Variants in LIPE observed in about 807,000 individuals in gnomAD.
LIPE encodes lipase E, hormone sensitive type, also known as hormone-sensitive lipase.
A neutral mutation model predicts 88.5 loss-of-function variants in LIPE; 66 were observed. That is an observed-to-expected ratio of 0.75 (90% CI 0.61 to 0.91). The LOEUF is 0.91. Ranked by LOEUF, LIPE falls within the 40% of genes least tolerant of loss-of-function variation. The probability of loss-of-function intolerance (pLI) is 0.00; values close to 1 mark genes in which losing one functional copy is unlikely to be tolerated. For synonymous variants in LIPE, 570 were observed against 617.5 expected, an observed-to-expected ratio of 0.92 and a Z score of 1.14; for missense variants, 1,346 against 1,434.7, an observed-to-expected ratio of 0.94 and a Z score of 1.00.
In LIPE at chr19:42,407,074, G is replaced by A; in HGVS notation, c.2137+100C>T. On this transcript the variant is annotated intron_variant, in intron 6 of 9. Coordinates refer to ENST00000244289, the MANE Select transcript of LIPE (RefSeq NM_005357.4). The surrounding 1 kb of genome is among the most constrained non-coding windows in gnomAD (Gnocchi z 5.8). ...GAGCAGGAGCTGGGAGGTGTGGGGG[G>A]AGAGAAAGGTAGAGGGTGTGAGGCT... 2 of 1,033,738 alleles carry A rather than the reference G, an allele frequency of 1.9e-6. No individual in the cohort carries two copies. Among genetic ancestry groups the A allele is most frequent in the East Asian group, 2.6e-5 (1 of 37,902 alleles). The allele number at this position is 1,033,738 out of a possible 1,614,324, so 64.0% of individuals were successfully genotyped here.
chr19:42,424,136 A>AT, intron 1 of LIPE: 3 of 1,200,176 alleles, frequency 2.5e-6, no homozygotes, highest in Non-Finnish European at 3.2e-6. Context: ...TAGTTCTCCT[A>AT]TTGCGCTTTT....
At chr19:42,422,402 C>G (rs2040615600) in intron 1 of LIPE, among the ~76,000 whole-genome samples, 1 of 152,238 alleles carries the variant, frequency 6.6e-6, no homozygotes, top group South Asian at 2.1e-4. Flanking sequence ...GTATGCTATA[C>G]TGGTGTGAGG....
At chr19:42,417,718 C>T (rs2147655661) in intron 1 of LIPE, among the ~76,000 whole-genome samples, 1 of 152,238 alleles carries the variant, frequency 6.6e-6, no homozygotes, top group East Asian at 1.9e-4. Context: ...AATAGAAATA[C>T]ATTTAGAAAT....
chr19:42,415,581 C>T (rs972988457), intron 1 of LIPE, among the ~76,000 whole-genome samples: 17 of 152,134 alleles, frequency 1.1e-4, no homozygotes, highest in African/African-American at 3.9e-4. Flanking sequence ...GAGGCCGAGG[C>T]GGGCGGATCA....
chr19:42,417,318 G>A (rs993267220), intron 1 of LIPE, among the ~76,000 whole-genome samples: 19 of 152,242 alleles, frequency 1.2e-4, no homozygotes, highest in Admixed American at 7.2e-4. Context: ...GGAGTGTAGT[G>A]GCACGATCAT....
In LIPE at chr19:42,405,976, TCACACACACACA is replaced by T. The variant is rs57282318; in HGVS notation, c.2365+173_2365+184del. On this transcript the variant is annotated intron_variant, in intron 7 of 9. Transcript: ENST00000244289. ...GTGTCTGTCTGTCTCTCTCTCTCTCTCACACACACACACACACACACACACACACACACACAC... is the reference window on the plus strand; with the variant it reads ...GTGTCTGTCTGTCTCTCTCTCTCTCTCACACACACACACACACACACACAC... 1.3e-3 allele frequency: 529 copies of T among 418,640 alleles called. 1 individual carries two copies. The highest frequency in any genetic ancestry group is 6.9e-3 in the African/African-American group (307 of 44,244). 25.9% of individuals were successfully genotyped at this position (418,640 alleles called of 1,614,324 possible). A position where few individuals can be genotyped will look rare whatever the true frequency, so the allele number is the denominator to read the frequency against.
At position 42,410,413 on chromosome 19, in the gene LIPE, G is replaced by A. The variant is rs766456953; in HGVS notation, c.1313C>T (p.Pro438Leu). The A allele has an allele frequency of 8.7e-6, 14 of 1,614,172 alleles. No homozygotes were observed. In the East Asian group the frequency reaches 1.6e-4, roughly 18 times the overall value. The change falls in exon 2 of 10, where the codon CCG becomes CTG. Residue 438 changes from proline to leucine, a missense_variant. Physicochemically the swap from Pro to Leu is moderately conservative, Grantham distance 98 (BLOSUM62 -3). Coordinates refer to ENST00000244289, the MANE Select transcript of LIPE (RefSeq NM_005357.4). The surrounding 1 kb of genome is among the most constrained non-coding windows in gnomAD (Gnocchi z 6.1). ...GTCGCCCTCAAAGAAGAGTACCCCC[G>A]GCCGATTGGTAACCAGCAGGCGCTG... ...YAQRLLVTNR[P>L]GVLFFEGDEG... is the part of the protein sequence containing the mutation.
chr19:42,403,212 G>C (rs1196654408), intron 8 of LIPE, among the ~76,000 whole-genome samples, 181 bp from the exon 9 acceptor site: 1 of 150,418 alleles, frequency 6.6e-6, no homozygotes, highest in Non-Finnish European at 1.5e-5. Flanking sequence ...TGGGGGTCTT[G>C]GCAGTGGGGC....
rs531764306 is a variant in LIPE, at chr19:42,408,691, G to T, written c.1420-369C>A. ...GTGTTCCCTGCACAGGGAACAGAGA[G>T]CATGAAGGCTTAAAGGTGAGCTCAT... is the stretch of plus-strand genomic sequence containing the variant. On this transcript the variant is annotated intron_variant, in intron 2 of 9. Coordinates refer to ENST00000244289, the MANE Select transcript of LIPE (RefSeq NM_005357.4). The surrounding 1 kb of genome is among the most constrained non-coding windows in gnomAD (Gnocchi z 4.3). Among the ~76,000 whole-genome samples the T allele has an allele frequency of 6.6e-6, 1 of 151,922 alleles. No individual in the cohort carries two copies. Among genetic ancestry groups the T allele is most frequent in the African/African-American group, 2.4e-5 (1 of 41,368 alleles).
intron 1 of LIPE, 37 bp downstream of exon 1, chr19:42,426,230 C>T (rs771858251): frequency 1.3e-6 from 2 of 1,568,068 alleles, no homozygotes; most frequent in South Asian, 1.2e-5. Flanking sequence ...GAATGACTGT[C>T]CCTGAGAGGC....
intron 1 of LIPE, among the ~76,000 whole-genome samples, chr19:42,411,871 C>T (rs532867053): frequency 2.0e-5 from 3 of 152,332 alleles, no homozygotes; most frequent in Non-Finnish European, 2.9e-5. Flanking sequence ...GCTGCTTTAG[C>T]GTGCTAACCC....
Position 42,408,381 on chromosome 19 carries a change from G to A in LIPE, c.1420-59C>T. 5 of 1,392,266 alleles carry A rather than the reference G, an allele frequency of 3.6e-6. No individual in the cohort carries two copies. The highest frequency in any genetic ancestry group is 5.1e-6 in the Non-Finnish European group (5 of 979,880). 86.2% of individuals were successfully genotyped at this position (1,392,266 alleles called of 1,614,324 possible). A position where few individuals can be genotyped will look rare whatever the true frequency, so the allele number is the denominator to read the frequency against. ...CAAGAGAGGGATGGGGACAGGGCAG[G>A]AGCGAGGCACAGGGATGTGCGGGGA... On this transcript the variant is annotated intron_variant, in intron 2 of 9. Transcript: ENST00000244289. This position sits in a 1 kb window ranked among gnomAD's most constrained non-coding sequence, Gnocchi z 4.3.
At position 42,406,412 on chromosome 19, in the gene LIPE, G is replaced by A; in HGVS notation, c.2138-24C>T. 1 of 1,594,836 alleles carries A rather than the reference G, an allele frequency of 6.3e-7. No homozygotes were observed. The highest frequency in any genetic ancestry group is 8.6e-7 in the Non-Finnish European group (1 of 1,163,214). On this transcript the variant is annotated intron_variant, in intron 6 of 9. Coordinates refer to ENST00000244289, the MANE Select transcript of LIPE (RefSeq NM_005357.4). The surrounding 1 kb of genome is among the most constrained non-coding windows in gnomAD (Gnocchi z 5.7). ...GCCTGGTTTGGGAGAGGGGTGGTTGGTGACAACCTGGCAGGGGCAGAGGCC... is the reference window on the plus strand; with the variant it reads ...GCCTGGTTTGGGAGAGGGGTGGTTGATGACAACCTGGCAGGGGCAGAGGCC...
intron 1 of LIPE, among the ~76,000 whole-genome samples, chr19:42,413,960 AGT>A (rs1250358311): frequency 6.6e-6 from 1 of 152,156 alleles, no homozygotes; most frequent in Non-Finnish European, 1.5e-5. Flanking sequence ...CTCAGGAGGC[AGT>A]GTTAGGCTTG....
At chr19:42,425,876 C>T (rs1213012361) in intron 1 of LIPE, among the ~76,000 whole-genome samples, 1 of 152,132 alleles carries the variant, frequency 6.6e-6, no homozygotes, top group Non-Finnish European at 1.5e-5. Flanking sequence ...GATCTCAGCT[C>T]ATTGCAACCT....
intron 1 of LIPE, among the ~76,000 whole-genome samples, chr19:42,418,117 G>C (rs191331315): frequency 2.6e-5 from 4 of 152,100 alleles, no homozygotes; most frequent in Admixed American, 6.5e-5. Context: ...TGAGTAGCTG[G>C]GACTACAGGT....
intron 1 of LIPE, among the ~76,000 whole-genome samples, chr19:42,418,363 G>A (rs1423390606): frequency 6.6e-6 from 1 of 152,184 alleles, no homozygotes; most frequent in Non-Finnish European, 1.5e-5. Context: ...TTTTGTGAGT[G>A]AATCGAAGCA....
At chr19:42,419,050 C>T (rs1034530301) in intron 1 of LIPE, among the ~76,000 whole-genome samples, 1 of 151,896 alleles carries the variant, frequency 6.6e-6, no homozygotes, top group Non-Finnish European at 1.5e-5. Context: ...AGGCTGAGGC[C>T]GGTGGATCAC....
chr19:42,418,134 C>T (rs2040526907), intron 1 of LIPE, among the ~76,000 whole-genome samples: 3 of 152,106 alleles, frequency 2.0e-5, no homozygotes, highest in Non-Finnish European at 4.4e-5. Context: ...AGGTGCCTGC[C>T]ACCGCGCCTG....
Sources: allele counts gnomAD v4.1 joint callset (sites outside exome capture counted in the v4.1 genomes callset), GRCh38; gene constraint gnomAD v4.1.1; non-coding constraint Gnocchi (gnomAD v3.1); transcripts MANE v1.5; gene names NCBI Gene and HGNC (gene_info 2026-07-23, HGNC 2026-07-21).